The following NRXN3 variants were observed in gnomAD, a reference collection of about 807,000 sequenced individuals.
The protein encoded by NRXN3 is neurexin III.
NRXN3 carries 32 observed loss-of-function variants against 137.6 expected under a neutral mutation model. The ratio of observed to expected loss-of-function variants is 0.23; its 90% CI spans 0.18 to 0.31. The LOEUF is 0.31. NRXN3 is among the 10% of genes least tolerant of loss of function. The probability of loss-of-function intolerance (pLI) is 1.00; values close to 1 mark genes in which losing one functional copy is unlikely to be tolerated. For missense variants in NRXN3, 1,574 were observed against 2,062.5 expected, an observed-to-expected ratio of 0.76 and a Z score of 4.59; for synonymous variants, 798 against 784.5, an observed-to-expected ratio of 1.02 and a Z score of -0.29.
chr14:78,384,899 G>A (rs557498435), intron 4 of NRXN3, among the ~76,000 whole-genome samples: 59 of 152,236 alleles, frequency 3.9e-4, no homozygotes, highest in South Asian at 1.0e-3. Context: ...ACTTTAAGAC[G>A]TTGGATCTTG....
intron 1 of NRXN3, among the ~76,000 whole-genome samples, chr14:78,193,158 G>T (rs1013121298): frequency 1.4e-4 from 22 of 152,138 alleles, no homozygotes; most frequent in African/African-American, 5.3e-4. Flanking sequence ...AACTAGGGGG[G>T]TTTGGGGCTG....
chr14:78,504,983 G>A (rs2153781232), intron 4 of NRXN3, among the ~76,000 whole-genome samples: 1 of 152,180 alleles, frequency 6.6e-6, no homozygotes, highest in Non-Finnish European at 1.5e-5. Context: ...AAATCTCTGA[G>A]CCTTTGCCCT....
At position 78,871,858 on chromosome 14, in the gene NRXN3, G is replaced by T. The variant is rs941951192; in HGVS notation, c.2275+61514G>T. On this transcript the variant is annotated intron_variant, in intron 10 of 20. Coordinates refer to ENST00000335750, the MANE Select transcript of NRXN3 (RefSeq NM_001330195.2). The stretch of plus-strand genomic sequence containing the variant: ...TTACCTGTTGTCCTTTGGCTGTATT[G>T]CCCTGGTTATATATTACTGGGTTTT... Among the ~76,000 whole-genome samples the T allele has an allele frequency of 3.3e-5, 5 of 151,970 alleles. No individual in the cohort carries two copies. In the South Asian group the frequency reaches 8.3e-4, roughly 25 times the overall value.
chr14:78,909,749 C>A (rs926872166), intron 10 of NRXN3, among the ~76,000 whole-genome samples: 1 of 152,140 alleles, frequency 6.6e-6, no homozygotes, highest in Admixed American at 6.6e-5. Context: ...TCATCTCTGA[C>A]AAAAGTGTCT....
chr14:79,215,312 A>C (rs1012860081), intron 15 of NRXN3, among the ~76,000 whole-genome samples: 1 of 152,202 alleles, frequency 6.6e-6, no homozygotes, highest in African/African-American at 2.4e-5. Flanking sequence ...GCTTGGTCAA[A>C]TAATATTTAT....
chr14:78,210,118 T>C (rs1052817566), intron 1 of NRXN3, among the ~76,000 whole-genome samples: 2 of 152,330 alleles, frequency 1.3e-5, no homozygotes, highest in African/African-American at 4.8e-5. Context: ...TTCAGGCTGC[T>C]ATAGGAAAAT....
At chr14:79,080,194 T>C (rs1450401478) in intron 15 of NRXN3, among the ~76,000 whole-genome samples, 2 of 152,048 alleles carry the variant, frequency 1.3e-5, no homozygotes, top group African/African-American at 4.8e-5. Context: ...TGTGAGGAAA[T>C]CTGAAACTGG....
At chr14:79,427,329 T>A (rs2095669024) in intron 15 of NRXN3, among the ~76,000 whole-genome samples, 1 of 152,148 alleles carries the variant, frequency 6.6e-6, no homozygotes, top group Non-Finnish European at 1.5e-5. Context: ...CTAAATTTCC[T>A]TTTTCAACTT....
intron 15 of NRXN3, among the ~76,000 whole-genome samples, chr14:79,154,850 T>C (rs545003421): frequency 6.6e-6 from 1 of 152,092 alleles, no homozygotes; most frequent in South Asian, 2.1e-4. Context: ...TATATGTAAG[T>C]AAAACTTCTT....
At chr14:78,472,299 C>T (rs2153730385) in intron 4 of NRXN3, among the ~76,000 whole-genome samples, 1 of 152,230 alleles carries the variant, frequency 6.6e-6, no homozygotes, top group East Asian at 1.9e-4. Context: ...CTGTGAGGAA[C>T]TTAAGGATCG....
chr14:78,781,522 A>G (rs2098769471), intron 8 of NRXN3, among the ~76,000 whole-genome samples: 1 of 152,204 alleles, frequency 6.6e-6, no homozygotes, highest in Non-Finnish European at 1.5e-5. Context: ...GTGCTCTACT[A>G]GGTTTATTCA....
At chr14:79,654,784 G>A (rs1311659064) in intron 16 of NRXN3, among the ~76,000 whole-genome samples, 1 of 152,142 alleles carries the variant, frequency 6.6e-6, no homozygotes, top group Admixed American at 6.5e-5. Flanking sequence ...ATTTATCTGA[G>A]GGATTGACTG....
At chr14:79,819,743 A>G (rs1376962059) in intron 20 of NRXN3, among the ~76,000 whole-genome samples, 1 of 152,000 alleles carries the variant, frequency 6.6e-6, no homozygotes, top group African/African-American at 2.4e-5. Flanking sequence ...TCGGCCTCCC[A>G]AAGTGCTGGG....
chr14:78,650,423 A>G (rs2152622908), intron 5 of NRXN3, among the ~76,000 whole-genome samples: 1 of 151,724 alleles, frequency 6.6e-6, no homozygotes. Context: ...GGGCATTATT[A>G]TTTTTATTGT....
chr14:78,488,594 TG>T (rs1277799231), intron 4 of NRXN3, among the ~76,000 whole-genome samples: 10 of 151,830 alleles, frequency 6.6e-5, no homozygotes, highest in Admixed American at 4.6e-4. Context: ...ATATTGTGGG[TG>T]GGGGGAAGGA....
chr14:78,974,882 T>G lies in NRXN3; in HGVS notation c.3142+6536T>G, dbSNP rs193085636. 2.7e-3 allele frequency among the ~76,000 whole-genome samples: 409 copies of G among 152,316 alleles called. 1 individual carries two copies. Among genetic ancestry groups the G allele is most frequent in the Non-Finnish European group, 4.4e-3 (298 of 68,022 alleles). ...GATATATGACAAGGAAATGAGGCAG[T>G]TGGAAGCCTAGACAAAAATGTATTC... On this transcript the variant is annotated intron_variant, in intron 14 of 20. Transcript: ENST00000335750.
intron 6 of NRXN3, among the ~76,000 whole-genome samples, chr14:78,679,711 G>A (rs562396878): frequency 2.2e-4 from 33 of 152,266 alleles, no homozygotes; most frequent in Admixed American, 1.4e-3. Flanking sequence ...GGATGGAAAC[G>A]TTGAGATCAT....
At chr14:79,169,300 C>A (rs551725695) in intron 15 of NRXN3, among the ~76,000 whole-genome samples, 2 of 152,180 alleles carry the variant, frequency 1.3e-5, no homozygotes, top group African/African-American at 4.8e-5. Flanking sequence ...CTGGAATACA[C>A]CTTTTCCTCA....
intron 16 of NRXN3, among the ~76,000 whole-genome samples, chr14:79,592,519 C>A (rs2097815975): frequency 6.6e-6 from 1 of 152,006 alleles, no homozygotes; most frequent in South Asian, 2.1e-4. Flanking sequence ...AATAAAAAGA[C>A]TTTTTCTTTG....
Sources: gnomAD v4.1 joint callset for allele counts (sites outside exome capture counted in the v4.1 genomes callset) on GRCh38, gnomAD v4.1.1 for gene constraint, MANE v1.5 for transcripts, NCBI Gene and HGNC (gene_info 2026-07-23, HGNC 2026-07-21) for gene names.